Variants in SLC24A2 observed in about 807,000 individuals in gnomAD.
SLC24A2 encodes solute carrier family 24 member 2.
A neutral mutation model predicts 62.0 loss-of-function variants in SLC24A2; 36 were observed. The ratio of observed to expected loss-of-function variants is 0.58; its 90% confidence interval spans 0.44 to 0.77. SLC24A2 has a LOEUF of 0.77. Among genes scored for constraint, SLC24A2 ranks in the 30% least tolerant of loss-of-function variants. SLC24A2 has a pLI of 0.00. For synonymous variants in SLC24A2, 358 were observed against 294.0 expected (o/e 1.22, Z -2.23); for missense variants, 846 against 817.9 (o/e 1.03, Z -0.42).
the SLC24A2 span, among the ~76,000 whole-genome samples, chr9:20,247,080 C>G: frequency 6.6e-6 from 1 of 152,224 alleles, no homozygotes; most frequent in Non-Finnish European, 1.5e-5. Context: ...GCACCTTCTG[C>G]TAAGTGCCTC....
the SLC24A2 span, among the ~76,000 whole-genome samples, chr9:20,169,062 G>T: frequency 4.6e-5 from 7 of 152,068 alleles, no homozygotes; most frequent in East Asian, 9.7e-4. Context: ...AAATAGGTGG[G>T]CATTGAAAAT....
At position 19,593,887 on chromosome 9, in the gene SLC24A2, T is replaced by C. The variant is rs75416421; in HGVS notation, c.1129+3342A>G. On this transcript the variant is annotated intron_variant, in intron 5 of 10. Transcript: ENST00000341998. ...AATAAAATAACTCTTTGAGCCTTGG[T>C]TTTCTCCTCTTCAATAAAATACACT... 2.5e-3 allele frequency among the ~76,000 whole-genome samples: 374 copies of C among 152,200 alleles called. 4 individuals are homozygous for C. Among genetic ancestry groups the C allele is most frequent in the African/African-American group, 8.6e-3 (356 of 41,510 alleles).
chr9:20,105,499 T>C, the SLC24A2 span, among the ~76,000 whole-genome samples: 2,221 of 151,836 alleles, frequency 0.015, 12 homozygotes, highest in Middle Eastern at 0.027. Flanking sequence ...ACAAACTGTC[T>C]CTCAGACCAC....
the SLC24A2 span, among the ~76,000 whole-genome samples, chr9:19,911,636 T>A: frequency 1.3e-5 from 2 of 152,178 alleles, no homozygotes; most frequent in East Asian, 3.9e-4. Flanking sequence ...GCTACTGATA[T>A]GGCGTCCAGT....
At chr9:20,186,764 A>G in the SLC24A2 span, among the ~76,000 whole-genome samples, 6 of 152,240 alleles carry the variant, frequency 3.9e-5, no homozygotes, top group African/African-American at 1.4e-4. Flanking sequence ...TATATTTTAA[A>G]GTCCTAGTAC....
intron 7 of SLC24A2, among the ~76,000 whole-genome samples, chr9:19,567,301 C>T (rs1443791867): frequency 6.6e-6 from 1 of 151,688 alleles, no homozygotes; most frequent in African/African-American, 2.4e-5. Context: ...AATCCCAGCA[C>T]TTTGGGAGGC....
the SLC24A2 span, among the ~76,000 whole-genome samples, chr9:19,985,400 G>A: frequency 5.9e-5 from 9 of 151,952 alleles, no homozygotes; most frequent in African/African-American, 2.2e-4. Flanking sequence ...AATACTATTC[G>A]GAAATAAAAA....
chr9:19,916,139 C>T, the SLC24A2 span, among the ~76,000 whole-genome samples: 1 of 151,954 alleles, frequency 6.6e-6, no homozygotes, highest in Non-Finnish European at 1.5e-5. Context: ...TTCAGGTAAC[C>T]TGGGATCATA....
chr9:19,766,384 T>C (rs1822515730), intron 2 of SLC24A2, among the ~76,000 whole-genome samples: 1 of 152,148 alleles, frequency 6.6e-6, no homozygotes, highest in African/African-American at 2.4e-5. Context: ...GGCATTCTGG[T>C]TTTTGGAATT....
the SLC24A2 span, among the ~76,000 whole-genome samples, chr9:19,818,042 T>C: frequency 6.6e-6 from 1 of 152,116 alleles, no homozygotes; most frequent in African/African-American, 2.4e-5. Flanking sequence ...GCCACCACAC[T>C]AGCCTATAAC....
At chr9:19,650,223 A>C (rs1818759703) in intron 2 of SLC24A2, among the ~76,000 whole-genome samples, 1 of 152,192 alleles carries the variant, frequency 6.6e-6, no homozygotes, top group Non-Finnish European at 1.5e-5. Flanking sequence ...AATGTAAGAA[A>C]CCAAAGATGT....
chr9:19,899,012 C>A, the SLC24A2 span, among the ~76,000 whole-genome samples: 1 of 152,272 alleles, frequency 6.6e-6, no homozygotes, highest in Admixed American at 6.5e-5. Flanking sequence ...GGCACAGACA[C>A]CACAACAGGC....
At chr9:20,162,123 T>C in the SLC24A2 span, among the ~76,000 whole-genome samples, 466 of 151,848 alleles carry the variant, frequency 3.1e-3, 5 homozygotes, top group African/African-American at 0.011. Context: ...GGCATTGTGA[T>C]GTGAACCTGT....
At chr9:20,207,965 C>T in the SLC24A2 span, among the ~76,000 whole-genome samples, 1 of 152,120 alleles carries the variant, frequency 6.6e-6, no homozygotes, top group Non-Finnish European at 1.5e-5. Context: ...ACACCTATGT[C>T]TAGCAAGACA....
the SLC24A2 span, among the ~76,000 whole-genome samples, chr9:20,070,919 G>C: frequency 6.6e-6 from 1 of 152,318 alleles, no homozygotes; most frequent in African/African-American, 2.4e-5. Flanking sequence ...CCCGGTGTTG[G>C]AGGTGGGGCC....
chr9:20,251,699 C>CA, the SLC24A2 span, among the ~76,000 whole-genome samples: 8 of 152,170 alleles, frequency 5.3e-5, no homozygotes, highest in East Asian at 5.8e-4. Flanking sequence ...TTGATTCAAA[C>CA]AAAAAAATAT....
chr9:19,590,852 C>G (rs1192210856), intron 5 of SLC24A2, among the ~76,000 whole-genome samples: 1 of 152,156 alleles, frequency 6.6e-6, no homozygotes, highest in East Asian at 1.9e-4. Flanking sequence ...TGAAGCATCC[C>G]ACTTTCTGTC....
In SLC24A2 at chr9:19,529,600, C is replaced by T. The variant is rs535392049; in HGVS notation, c.1480-1462G>A. Among the ~76,000 whole-genome samples, 16 of 152,162 alleles carry T rather than the reference C, an allele frequency of 1.1e-4. No homozygotes were observed. The South Asian group carries it at 3.3e-3, about 32-fold the overall frequency. On this transcript the variant is annotated intron_variant, in intron 8 of 10. Coordinates refer to ENST00000341998, the MANE Select transcript of SLC24A2 (RefSeq NM_020344.4). Reference sequence around the variant, plus strand: ...GCCACAGTGAGTAGCCAAAACCTTACCCTCAAATGCTTTTCCCTGCTCCCT... The same window carrying T: ...GCCACAGTGAGTAGCCAAAACCTTATCCTCAAATGCTTTTCCCTGCTCCCT...
intron 8 of SLC24A2, among the ~76,000 whole-genome samples, chr9:19,544,104 T>G (rs1834423089): frequency 6.6e-6 from 1 of 152,128 alleles, no homozygotes; most frequent in Admixed American, 6.5e-5. Context: ...CTTATGAACT[T>G]GGATGCTCCT....
Sources: allele counts gnomAD v4.1 joint callset (sites outside exome capture counted in the v4.1 genomes callset), GRCh38; gene constraint gnomAD v4.1.1; transcripts MANE v1.5; gene names NCBI Gene and HGNC (gene_info 2026-07-23, HGNC 2026-07-21).